Variants in KIAA1549 observed in about 807,000 individuals in gnomAD.
The protein encoded by KIAA1549 is KIAA1549, also known as UPF0606 protein KIAA1549.
In KIAA1549, 70 loss-of-function variants were observed where a neutral mutation model predicts 156.4. The ratio of observed to expected loss-of-function variants is 0.45; its 90% confidence interval spans 0.37 to 0.55. The LOEUF (loss-of-function observed/expected upper bound fraction) is 0.55. Among genes scored for constraint, KIAA1549 ranks in the 20% least tolerant of loss-of-function variants. The pLI, the probability that KIAA1549 is intolerant of heterozygous loss-of-function variation, is 0.00. For missense variants in KIAA1549, 2,428 were observed against 2,540.9 expected (o/e 0.96, Z 0.96); for synonymous variants, 1,103 against 1,066.4 (o/e 1.03, Z -0.67).
At chr7:138,963,292 G>A (rs1813909911) in intron 1 of KIAA1549, among the ~76,000 whole-genome samples, 1 of 152,252 alleles carries the variant, frequency 6.6e-6, no homozygotes, top group Non-Finnish European at 1.5e-5. Context: ...GGAGAGAGAT[G>A]AAGGGCAAGA....
chr7:138,871,670 A>G (rs1324640867), intron 12 of KIAA1549, among the ~76,000 whole-genome samples: 1 of 152,250 alleles, frequency 6.6e-6, no homozygotes, highest in Non-Finnish European at 1.5e-5. Flanking sequence ...CAGAAAGAAT[A>G]TAGGACAGAA....
At chr7:138,889,271 C>T (rs992299811) in intron 10 of KIAA1549, among the ~76,000 whole-genome samples, 2 of 152,118 alleles carry the variant, frequency 1.3e-5, no homozygotes, top group African/African-American at 4.8e-5. Flanking sequence ...CTCTATAGGG[C>T]GGTCTACGTA....
Position 138,894,563 on chromosome 7 carries a change from T to G in KIAA1549, c.3848-37A>C. 4 of 1,602,336 alleles carry G rather than the reference T, an allele frequency of 2.5e-6. No individual in the cohort carries two copies. The South Asian group carries it at 4.4e-5, about 18-fold the overall frequency. ...GAAGAAAGGTCTTTCAATAATTCCTTCTTCACTCATGCACTAGATTGCACG... is the reference window on the plus strand; with the variant it reads ...GAAGAAAGGTCTTTCAATAATTCCTGCTTCACTCATGCACTAGATTGCACG... On this transcript the variant is annotated intron_variant, in intron 9 of 19. Coordinates refer to ENST00000422774, the MANE Select transcript of KIAA1549 (RefSeq NM_001164665.2).
chr7:138,944,077 A>ATT (rs71169068), intron 1 of KIAA1549, among the ~76,000 whole-genome samples: 141 of 145,216 alleles, frequency 9.7e-4, no homozygotes, highest in Middle Eastern at 3.5e-3. Context: ...CTCTCTTAGC[A>ATT]TTTTTTTTTT....
In KIAA1549 at chr7:138,906,901, C is replaced by A; in HGVS notation, c.3460+18G>T. The A allele has an allele frequency of 6.8e-7, 1 of 1,473,570 alleles. No individual in the cohort carries two copies. The highest frequency in any genetic ancestry group is 1.5e-5 in the South Asian group (1 of 66,238). The allele number at this position is 1,473,570 out of a possible 1,614,324, so 91.3% of individuals were successfully genotyped here. On this transcript the variant is annotated intron_variant, in intron 6 of 19. Coordinates refer to ENST00000422774, the MANE Select transcript of KIAA1549 (RefSeq NM_001164665.2). ...CCCGCCATCACCTCCCCAGCATGTC[C>A]AAGAGGGCTGTACTCACGCTCTGCG...
intron 18 of KIAA1549, among the ~76,000 whole-genome samples, chr7:138,841,968 C>T (rs149284587): frequency 6.6e-6 from 1 of 152,018 alleles, no homozygotes; most frequent in Non-Finnish European, 1.5e-5. Context: ...AAAAGCTGTC[C>T]TGGCTCTGGG....
At chr7:138,860,157 G>T (rs1419354591) in intron 16 of KIAA1549, among the ~76,000 whole-genome samples, 2 of 152,178 alleles carry the variant, frequency 1.3e-5, no homozygotes, top group Non-Finnish European at 2.9e-5. Flanking sequence ...TAAACCACCA[G>T]TTGTAATTTT....
intron 13 of KIAA1549, among the ~76,000 whole-genome samples, 160 bp from the exon 14 acceptor site, chr7:138,869,921 C>T (rs981780177): frequency 6.6e-6 from 1 of 152,150 alleles, no homozygotes; most frequent in Admixed American, 6.5e-5. Context: ...ATGATCTCAG[C>T]TCGCTGCAAC....
In KIAA1549 at chr7:138,865,457, T is replaced by C. The variant is rs79921356; in HGVS notation, c.4929+2518A>G. Among the ~76,000 whole-genome samples, 1,257 of 151,046 alleles carry C rather than the reference T, an allele frequency of 8.3e-3. 6 individuals carry two copies. The highest frequency in any genetic ancestry group is 0.014 in the Middle Eastern group (4 of 288). On this transcript the variant is annotated intron_variant, in intron 15 of 19. Coordinates refer to ENST00000422774, the MANE Select transcript of KIAA1549 (RefSeq NM_001164665.2). ...TTGAAGATGAAAAAAAAAAACCCTG[T>C]ACATGTACCACTGATTCTAAAATAC...
At chr7:138,946,281 T>C (rs1813333537) in intron 1 of KIAA1549, among the ~76,000 whole-genome samples, 2 of 152,172 alleles carry the variant, frequency 1.3e-5, no homozygotes, top group African/African-American at 2.4e-5. Flanking sequence ...ATGTAAGCCT[T>C]AGTTGATTTC....
At chr7:138,912,886 T>C (rs373656553) in intron 2 of KIAA1549, among the ~76,000 whole-genome samples, 1 of 152,168 alleles carries the variant, frequency 6.6e-6, no homozygotes, top group African/African-American at 2.4e-5. Context: ...CATTTTTCTT[T>C]TCTTTTCTTT....
At chr7:138,878,423 A>G (rs903974569) in intron 12 of KIAA1549, among the ~76,000 whole-genome samples, 1 of 152,230 alleles carries the variant, frequency 6.6e-6, no homozygotes, top group African/African-American at 2.4e-5. Context: ...TTCCATACAG[A>G]GAAATTTATG....
In KIAA1549 at chr7:138,840,264, G is replaced by A. The variant is rs755108382; in HGVS notation, c.5467C>T (p.His1823Tyr). ...CTGGCAATCCCCACCTGTGTCAGGT[G>A]CTGGATCTGGGAGCCTGGAAGGAAC... ...VGGTTGSQIQHLTQVGIASRI... is the reference protein window; with the variant it reads ...VGGTTGSQIQYLTQVGIASRI... Residue 1823 changes from histidine to tyrosine, a missense_variant, in exon 19 of 20, where the codon CAC (histidine) becomes TAC (tyrosine). This residue lies in a region of KIAA1549 where 363 missense variants were observed against 354.0 expected (regional missense o/e 1.03). Coordinates refer to ENST00000422774, the MANE Select transcript of KIAA1549 (RefSeq NM_001164665.2). 4.4e-6 allele frequency: 7 copies of A among 1,599,082 alleles called. No individual in the cohort carries two copies. The highest frequency in any genetic ancestry group is 1.1e-5 in the South Asian group (1 of 87,756).
At chr7:138,966,059 T>C (rs945500012) in intron 1 of KIAA1549, among the ~76,000 whole-genome samples, 2 of 152,188 alleles carry the variant, frequency 1.3e-5, no homozygotes, top group East Asian at 1.9e-4. Context: ...CAATACCTGC[T>C]TGTCTTGCCC....
At chr7:138,868,585 G>A (rs965712268) in intron 14 of KIAA1549, among the ~76,000 whole-genome samples, 26 of 152,048 alleles carry the variant, frequency 1.7e-4, no homozygotes, top group Non-Finnish European at 1.3e-4. Context: ...CTGCCACCAC[G>A]CCCAATTAAT....
At chr7:138,844,516 C>G (rs912368169) in intron 17 of KIAA1549, 42 bp from the exon 18 acceptor site, 1 of 1,477,164 alleles carries the variant, frequency 6.8e-7, no homozygotes, top group African/African-American at 1.4e-5. Flanking sequence ...TCCACTGCAC[C>G]CTGGCCTTGG....
chr7:138,929,678 C>A (rs1420393898), intron 1 of KIAA1549, among the ~76,000 whole-genome samples: 1 of 151,976 alleles, frequency 6.6e-6, no homozygotes, highest in Non-Finnish European at 1.5e-5. Context: ...AAATATATTT[C>A]TTTTATCTTT....
At chr7:138,905,667 A>C (rs904368409) in intron 6 of KIAA1549, among the ~76,000 whole-genome samples, 1 of 152,128 alleles carries the variant, frequency 6.6e-6, no homozygotes, top group African/African-American at 2.4e-5. Context: ...TTGAAAAAGA[A>C]TTGGAATTTT....
chr7:138,873,091 C>T (rs933368321), intron 12 of KIAA1549, among the ~76,000 whole-genome samples: 1 of 152,180 alleles, frequency 6.6e-6, no homozygotes, highest in Non-Finnish European at 1.5e-5. Flanking sequence ...GGTCTCTCCT[C>T]GGTGTAAAAA....
Sources: allele counts gnomAD v4.1 joint callset (sites outside exome capture counted in the v4.1 genomes callset), GRCh38; gene constraint gnomAD v4.1.1; regional missense constraint gnomAD v4.1.1; transcripts MANE v1.5; gene names NCBI Gene and HGNC (gene_info 2026-07-23, HGNC 2026-07-21).